Variants in SOX5 observed in about 807,000 individuals in gnomAD.
SOX5 encodes the protein SRY-box transcription factor 5.
Under a neutral mutation model 92.0 loss-of-function variants are expected in SOX5, and 9 were observed. The ratio of observed to expected loss-of-function variants is 0.10; its 90% confidence interval spans 0.06 to 0.17. The LOEUF (loss-of-function observed/expected upper bound fraction) is 0.17. Among genes scored for constraint, SOX5 ranks in the 10% least tolerant of loss-of-function variants. The probability of loss-of-function intolerance (pLI) is 1.00; values close to 1 mark genes in which losing one functional copy is unlikely to be tolerated. For missense variants in SOX5, 642 were observed against 944.5 expected, an observed-to-expected ratio of 0.68 and a Z score of 4.20; for synonymous variants, 344 against 336.3, an observed-to-expected ratio of 1.02 and a Z score of -0.25.
intron 4 of SOX5, among the ~76,000 whole-genome samples, chr12:24,191,033 T>C (rs1956473572): frequency 6.6e-6 from 1 of 152,192 alleles, no homozygotes; most frequent in Admixed American, 6.5e-5. Context: ...TCTTGCTATA[T>C]CACCATGGCT....
At chr12:23,547,994 CAA>C (rs1943465424) in intron 11 of SOX5, among the ~76,000 whole-genome samples, 1 of 151,954 alleles carries the variant, frequency 6.6e-6, no homozygotes. Context: ...GCTGTTAAAA[CAA>C]AAGACAGTTA....
At chr12:24,408,926 C>T (rs1327837374) in intron 1 of SOX5, among the ~76,000 whole-genome samples, 1 of 152,094 alleles carries the variant, frequency 6.6e-6, no homozygotes, top group African/African-American at 2.4e-5. Context: ...GGTGATTCCT[C>T]GAGAATCTAG....
intron 4 of SOX5, among the ~76,000 whole-genome samples, chr12:24,200,667 A>T (rs926390522): frequency 1.3e-5 from 2 of 152,196 alleles, no homozygotes; most frequent in African/African-American, 2.4e-5. Flanking sequence ...GGACAGAAGG[A>T]TCTTCTCTAA....
At chr12:24,139,165 G>A (rs1950353237) in intron 4 of SOX5, among the ~76,000 whole-genome samples, 1 of 152,098 alleles carries the variant, frequency 6.6e-6, no homozygotes, top group Admixed American at 6.6e-5. Context: ...ACACTCTCTG[G>A]AGGCAGACAC....
At chr12:23,844,153 T>C (rs1027774518) in intron 3 of SOX5, among the ~76,000 whole-genome samples, 1 of 152,212 alleles carries the variant, frequency 6.6e-6, no homozygotes, top group African/African-American at 2.4e-5. Flanking sequence ...CACAACGTAC[T>C]GTGGAGTATC....
At chr12:23,578,159 G>T (rs1681716027) in intron 9 of SOX5, among the ~76,000 whole-genome samples, 1 of 89,500 alleles carries the variant, frequency 1.1e-5, no homozygotes, top group Admixed American at 1.2e-4. Context: ...AACTATAGGG[G>T]CAATATTATC....
chr12:23,960,523 A>ATACACATATATATT (rs1555451945), intron 4 of SOX5, among the ~76,000 whole-genome samples: 8 of 69,438 alleles, frequency 1.2e-4, no homozygotes, highest in South Asian at 4.5e-4. Flanking sequence ...ACATATATAT[A>ATACACATATATATT]TATATACATA....
At chr12:24,172,259 G>A (rs1468871386) in intron 4 of SOX5, among the ~76,000 whole-genome samples, 5 of 151,912 alleles carry the variant, frequency 3.3e-5, no homozygotes, top group Non-Finnish European at 4.4e-5. Context: ...AGTTTGGGCC[G>A]GGCGCAGTGA....
At chr12:23,731,923 T>C (rs1294557365) in intron 6 of SOX5, among the ~76,000 whole-genome samples, 1 of 152,160 alleles carries the variant, frequency 6.6e-6, no homozygotes, top group Non-Finnish European at 1.5e-5. Flanking sequence ...GGATGAATAA[T>C]TTAAGTTAGT....
At chr12:24,249,383 T>C (rs565514414) in intron 3 of SOX5, among the ~76,000 whole-genome samples, 2 of 152,174 alleles carry the variant, frequency 1.3e-5, no homozygotes, top group African/African-American at 4.8e-5. Context: ...GAGGAATGGG[T>C]TCAAAACAGA....
chr12:24,505,220 T>C (rs1418119860), intron 1 of SOX5, among the ~76,000 whole-genome samples: 1 of 152,210 alleles, frequency 6.6e-6, no homozygotes, highest in Non-Finnish European at 1.5e-5. Context: ...TCAACATCTG[T>C]GTAAAATCAG....
intron 2 of SOX5, among the ~76,000 whole-genome samples, chr12:24,283,619 T>C (rs4963749): frequency 0.14 from 20,709 of 152,260 alleles, 1,649 homozygotes; most frequent in Middle Eastern, 0.24. Context: ...TACTCTTTAA[T>C]ACAAAATCAG....
At chr12:23,849,796 T>C (rs915115880) in intron 2 of SOX5, among the ~76,000 whole-genome samples, 3 of 152,196 alleles carry the variant, frequency 2.0e-5, no homozygotes, top group African/African-American at 7.2e-5. Context: ...AATTTTAATG[T>C]TTAAAGAATT....
chr12:23,762,557 C>T (rs929200912), intron 3 of SOX5: 1 of 549,956 alleles, frequency 1.8e-6, no homozygotes, highest in East Asian at 3.1e-5. Context: ...TTTAGTATTG[C>T]CAAAATACTT....
rs571090515 is a variant in SOX5 at position 23,812,580 on chromosome 12, T to C, written c.481+33403A>G. Among the ~76,000 whole-genome samples, 220 of 152,194 alleles carry C rather than the reference T, an allele frequency of 1.4e-3. 1 individual carries two copies. The highest frequency in any genetic ancestry group is 3.4e-3 in the Admixed American group (52 of 15,274). ...CACAATAAAATTTTGAGCACATAAATAATATGAGCAAGGCCAAACCAACCA... is the reference window on the plus strand; with the variant it reads ...CACAATAAAATTTTGAGCACATAAACAATATGAGCAAGGCCAAACCAACCA... On this transcript the variant is annotated intron_variant, in intron 3 of 14. Coordinates refer to ENST00000451604, the MANE Select transcript of SOX5 (RefSeq NM_006940.6).
chr12:23,537,399 G>A (rs1940779025), intron 13 of SOX5, among the ~76,000 whole-genome samples: 1 of 152,082 alleles, frequency 6.6e-6, no homozygotes, highest in Non-Finnish European at 1.5e-5. Context: ...AATTACTGAA[G>A]TACAGATCTG....
chr12:23,756,840 GTAA>G (rs2094398969), intron 3 of SOX5, among the ~76,000 whole-genome samples: 1 of 151,808 alleles, frequency 6.6e-6, no homozygotes, highest in African/African-American at 2.4e-5. Context: ...CCTAGAGACC[GTAA>G]TATTATTAGA....
intron 4 of SOX5, among the ~76,000 whole-genome samples, chr12:23,741,745 T>C (rs1334962636): frequency 1.3e-5 from 2 of 152,182 alleles, no homozygotes; most frequent in Non-Finnish European, 2.9e-5. Flanking sequence ...AACACAAATA[T>C]AGCAATTGTG....
chr12:23,920,633 A>G (rs1937919130), intron 1 of SOX5: 1 of 152,174 alleles, frequency 6.6e-6, no homozygotes, highest in Non-Finnish European at 1.5e-5. Context: ...AAACAAGAAT[A>G]CCATTGCTTT....
Sources: gnomAD v4.1 joint callset for allele counts (sites outside exome capture counted in the v4.1 genomes callset) on GRCh38, gnomAD v4.1.1 for gene constraint, MANE v1.5 for transcripts, NCBI Gene and HGNC (gene_info 2026-07-23, HGNC 2026-07-21) for gene names.